Variants in CACNA1A observed in about 807,000 individuals in gnomAD.
CACNA1A encodes voltage-dependent P/Q-type calcium channel subunit alpha-1A.
In CACNA1A, 57 loss-of-function variants were observed where a neutral mutation model predicts 262.4. That is an observed-to-expected ratio of 0.22 (90% confidence interval 0.18 to 0.27). CACNA1A has a LOEUF of 0.27. Ranked by LOEUF, CACNA1A falls within the 10% of genes least tolerant of loss-of-function variation. The pLI is 1.00. For synonymous variants in CACNA1A, 1,431 were observed against 1,419.3 expected, an observed-to-expected ratio of 1.01 and a Z score of -0.18; for missense variants, 2,526 against 3,562.8, an observed-to-expected ratio of 0.71 and a Z score of 7.41.
At chr19:13,423,494 A>C (rs2060350333) in intron 3 of CACNA1A, among the ~76,000 whole-genome samples, 1 of 151,726 alleles carries the variant, frequency 6.6e-6, no homozygotes, top group Non-Finnish European at 1.5e-5. Flanking sequence ...TCCCAGAGAG[A>C]ATTTTCTTTT....
intron 38 of CACNA1A, among the ~76,000 whole-genome samples, chr19:13,221,565 C>T (rs1384399584): frequency 6.6e-6 from 1 of 151,940 alleles, no homozygotes; most frequent in Non-Finnish European, 1.5e-5. Flanking sequence ...TCTCTCTGCC[C>T]TGCTGTCCTT....
chr19:13,253,866 C>T (rs759386409), intron 29 of CACNA1A, among the ~76,000 whole-genome samples: 6 of 151,984 alleles, frequency 3.9e-5, no homozygotes, highest in Non-Finnish European at 8.8e-5. Flanking sequence ...CAGCCTCTCA[C>T]GCAGCTGGTA....
chr19:13,263,947 T>G (rs1218000079), intron 24 of CACNA1A, among the ~76,000 whole-genome samples: 1 of 152,112 alleles, frequency 6.6e-6, no homozygotes, highest in Non-Finnish European at 1.5e-5. Context: ...TCCCCCACCA[T>G]ATTCCCTGAG....
chr19:13,293,554 C>G lies in CACNA1A; in HGVS notation c.3089+4990G>C, dbSNP rs1186623228. ...TCCGCCTCCCGGGTTTTACACCATTCTCCTACCTCAGCCTCCCGAGTAGCT... is the reference window on the plus strand; with the variant it reads ...TCCGCCTCCCGGGTTTTACACCATTGTCCTACCTCAGCCTCCCGAGTAGCT... On this transcript the variant is annotated intron_variant, in intron 19 of 46. Coordinates refer to ENST00000360228, the MANE Select transcript of CACNA1A (RefSeq NM_001127222.2). Among the ~76,000 whole-genome samples, 4 of 143,940 alleles carry G rather than the reference C, an allele frequency of 2.8e-5. No individual in the cohort carries two copies. In the East Asian group the frequency reaches 8.5e-4, roughly 31 times the overall value. The allele number at this position is 143,940 out of a possible 152,430, so 94.4% of individuals were successfully genotyped here.
chr19:13,501,634 C>T (rs1982390237), intron 1 of CACNA1A, among the ~76,000 whole-genome samples: 1 of 152,158 alleles, frequency 6.6e-6, no homozygotes, highest in Non-Finnish European at 1.5e-5. Flanking sequence ...CCTGCTGGAC[C>T]AGAACCATCC....
intron 19 of CACNA1A, among the ~76,000 whole-genome samples, chr19:13,293,062 G>A (rs760997802): frequency 6.6e-6 from 1 of 152,180 alleles, no homozygotes; most frequent in Non-Finnish European, 1.5e-5. Context: ...GAAGAAGAGA[G>A]GGAGCAGGAA....
At chr19:13,268,103 G>A (rs2056911055) in intron 24 of CACNA1A, among the ~76,000 whole-genome samples, 1 of 152,010 alleles carries the variant, frequency 6.6e-6, no homozygotes. Flanking sequence ...ACCAACTCAG[G>A]TCTGTGGAAT....
intron 1 of CACNA1A, among the ~76,000 whole-genome samples, chr19:13,498,125 C>T (rs1003780037): frequency 6.6e-6 from 1 of 151,998 alleles, no homozygotes; most frequent in African/African-American, 2.4e-5. Context: ...ACACCATGCC[C>T]ATCATTCTCA....
At chr19:13,209,202 C>T in intron 45 of CACNA1A, 110 bp downstream of exon 45, 1 of 1,346,856 alleles carries the variant, frequency 7.4e-7, no homozygotes, top group Non-Finnish European at 9.8e-7. Flanking sequence ...TGTCCCCTCT[C>T]CATGGAGGCC....
intron 1 of CACNA1A, among the ~76,000 whole-genome samples, chr19:13,471,701 A>C (rs1204446088): frequency 6.6e-6 from 1 of 152,212 alleles, no homozygotes; most frequent in Non-Finnish European, 1.5e-5. Context: ...GAATTCATTT[A>C]TATGAAAGAG....
At chr19:13,349,926 G>A (rs2058875944) in intron 6 of CACNA1A, among the ~76,000 whole-genome samples, 1 of 152,184 alleles carries the variant, frequency 6.6e-6, no homozygotes, top group South Asian at 2.1e-4. Context: ...CTCTGGCCCA[G>A]GAAGGTCCAG....
intron 17 of CACNA1A, 78 bp from the exon 18 acceptor site, chr19:13,300,734 A>T: frequency 1.8e-6 from 2 of 1,112,290 alleles, no homozygotes; most frequent in Non-Finnish European, 2.8e-6. Flanking sequence ...GTTGCTGACC[A>T]GGGGCAACAT....
intron 29 of CACNA1A, 112 bp downstream of exon 29, chr19:13,254,983 T>G: frequency 1.8e-6 from 2 of 1,089,134 alleles, no homozygotes; most frequent in East Asian, 2.5e-5. Context: ...ATCTCAGAGG[T>G]GATCCAGAGT....
intron 26 of CACNA1A, chr19:13,261,244 T>C: frequency 1.9e-6 from 1 of 525,916 alleles, no homozygotes; most frequent in East Asian, 3.0e-5. Context: ...TCAATTTGCT[T>C]ATGACTCATT....
intron 22 of CACNA1A, chr19:13,277,531 C>G (rs1044960931): frequency 2.6e-5 from 4 of 154,712 alleles, no homozygotes; most frequent in African/African-American, 9.6e-5. Flanking sequence ...CCTGGGCATC[C>G]TGGGCGAGAA....
chr19:13,404,550 G>T (rs1397050368), intron 3 of CACNA1A, among the ~76,000 whole-genome samples: 1 of 152,164 alleles, frequency 6.6e-6, no homozygotes, highest in Non-Finnish European at 1.5e-5. Flanking sequence ...GGCCCAGGCT[G>T]CCCTGAACAG....
In CACNA1A at chr19:13,212,809, A is replaced by G; in HGVS notation, c.5941-69T>C. 7.3e-6 allele frequency: 5 copies of G among 687,984 alleles called. No individual in the cohort carries two copies. The highest frequency in any genetic ancestry group is 1.2e-5 in the Non-Finnish European group (5 of 418,314). The allele number at this position is 687,984 out of a possible 1,614,324, so 42.6% of individuals were successfully genotyped here. ...GGTGGGACGGTGGTACCCAGAAGGC[A>G]TTGCGACATCCCCAGTATACACACA... is the stretch of plus-strand genomic sequence containing the variant. On this transcript the variant is annotated intron_variant, in intron 40 of 46. Coordinates refer to ENST00000360228, the MANE Select transcript of CACNA1A (RefSeq NM_001127222.2). The surrounding 1 kb of genome is among the most constrained non-coding windows in gnomAD (Gnocchi z 5.6).
chr19:13,483,036 C>T (rs1979541567), intron 1 of CACNA1A, among the ~76,000 whole-genome samples: 1 of 152,082 alleles, frequency 6.6e-6, no homozygotes, highest in East Asian at 1.9e-4. Flanking sequence ...TGGTCTGTGT[C>T]TTCCGTTTCC....
chr19:13,329,484 GTCTT>G (rs1481421328), intron 10 of CACNA1A, among the ~76,000 whole-genome samples: 1 of 137,778 alleles, frequency 7.3e-6, no homozygotes, highest in East Asian at 2.0e-4. Flanking sequence ...TTTGGTTTGT[GTCTT>G]TTTTTTTTTT....
Sources: gnomAD v4.1 joint callset for allele counts (sites outside exome capture counted in the v4.1 genomes callset) on GRCh38, gnomAD v4.1.1 for gene constraint, Gnocchi (gnomAD v3.1) non-coding constraint, MANE v1.5 for transcripts, NCBI Gene and HGNC (gene_info 2026-07-23, HGNC 2026-07-21) for gene names.